CSMD1: variants seen among roughly 807,000 people sequenced by gnomAD.
CSMD1 encodes CUB and sushi domain-containing protein 1.
In CSMD1, 213 loss-of-function variants were observed where a neutral mutation model predicts 417.5. The observed-to-expected ratio is 0.51, with a 90% CI of 0.46 to 0.57. The LOEUF (loss-of-function observed/expected upper bound fraction) is 0.57. Ranked by LOEUF, CSMD1 falls within the 20% of genes least tolerant of loss-of-function variation. CSMD1 has a pLI of 0.00. For synonymous variants in CSMD1, 2,862 were observed against 1,736.8 expected, an observed-to-expected ratio of 1.65 and a Z score of -16.11; for missense variants, 6,923 against 4,529.7, an observed-to-expected ratio of 1.53 and a Z score of -15.17.
At chr8:3,078,445 T>C (rs1187749561) in intron 49 of CSMD1, among the ~76,000 whole-genome samples, 4 of 152,196 alleles carry the variant, frequency 2.6e-5, no homozygotes, top group African/African-American at 9.7e-5. Context: ...TTCAGTAAAA[T>C]GCCTGACATA....
chr8:3,791,789 CT>C (rs1383333788), intron 5 of CSMD1, among the ~76,000 whole-genome samples: 1 of 152,046 alleles, frequency 6.6e-6, no homozygotes, highest in Admixed American at 6.5e-5. Flanking sequence ...CAGCACTGCA[CT>C]CCAGCCTGGG....
intron 3 of CSMD1, among the ~76,000 whole-genome samples, chr8:4,356,339 C>CAG (rs1801430832): frequency 6.6e-6 from 1 of 151,916 alleles, no homozygotes; most frequent in Admixed American, 6.6e-5. Context: ...TACACACACA[C>CAG]ACACACACAC....
At chr8:3,657,846 A>T (rs1798208548) in intron 7 of CSMD1, among the ~76,000 whole-genome samples, 1 of 152,214 alleles carries the variant, frequency 6.6e-6, no homozygotes, top group African/African-American at 2.4e-5. Context: ...AAGTATAATA[A>T]TAATAAAAGA....
chr8:3,494,681 T>TA (rs1269383335), intron 10 of CSMD1, among the ~76,000 whole-genome samples: 3 of 93,258 alleles, frequency 3.2e-5, no homozygotes, highest in Non-Finnish European at 7.4e-5. Context: ...GATACACAGA[T>TA]ACATGAATAT....
At chr8:3,754,585 G>C (rs886996960) in intron 5 of CSMD1, among the ~76,000 whole-genome samples, 2 of 152,150 alleles carry the variant, frequency 1.3e-5, no homozygotes, top group African/African-American at 2.4e-5. Context: ...CTCCTGAGTA[G>C]CTGGGATTAC....
At chr8:3,408,447 A>G (rs1044919321) in intron 13 of CSMD1, among the ~76,000 whole-genome samples, 10 of 151,458 alleles carry the variant, frequency 6.6e-5, no homozygotes, top group African/African-American at 2.5e-4. Flanking sequence ...GAACCTATAC[A>G]TAATCAAGCA....
intron 3 of CSMD1, among the ~76,000 whole-genome samples, chr8:4,039,992 G>C (rs771144184): frequency 2.6e-5 from 4 of 152,204 alleles, no homozygotes; most frequent in East Asian, 1.9e-4. Context: ...CTCGGTACAG[G>C]TTAAGTGCCC....
intron 10 of CSMD1, among the ~76,000 whole-genome samples, chr8:3,545,602 C>G (rs1798625112): frequency 6.6e-6 from 1 of 152,190 alleles, no homozygotes; most frequent in Non-Finnish European, 1.5e-5. Context: ...ATCATGGGCT[C>G]TCCACTGCCG....
chr8:4,547,023 ATCT>A (rs1292805431), intron 2 of CSMD1, among the ~76,000 whole-genome samples: 2 of 152,086 alleles, frequency 1.3e-5, no homozygotes, highest in Non-Finnish European at 2.9e-5. Flanking sequence ...ATACCCAGAC[ATCT>A]TCTTTGAGCT....
chr8:4,623,643 A>T (rs1056684288), intron 2 of CSMD1, among the ~76,000 whole-genome samples: 6 of 152,176 alleles, frequency 3.9e-5, no homozygotes, highest in Admixed American at 3.9e-4. Flanking sequence ...ATTCTGCTTA[A>T]CCATAAAAAA....
At chr8:3,813,616 G>A (rs1801207750) in intron 5 of CSMD1, among the ~76,000 whole-genome samples, 1 of 152,048 alleles carries the variant, frequency 6.6e-6, no homozygotes, top group Admixed American at 6.6e-5. Context: ...TCTTCAAACT[G>A]CCTTTATGCA....
intron 23 of CSMD1, among the ~76,000 whole-genome samples, chr8:3,315,290 T>G (rs1046466135): frequency 1.3e-5 from 2 of 152,164 alleles, no homozygotes; most frequent in African/African-American, 2.4e-5. Context: ...GGTAATTGGT[T>G]AAATTTATTT....
rs530498506 is a variant in CSMD1, at chr8:4,787,708, G to A, written c.86-150150C>T. 8.8e-6 allele frequency: 14 copies of A among 1,591,992 alleles called. No homozygotes were observed. The South Asian group carries it at 1.3e-4, about 15-fold the overall frequency. Reference sequence around the variant, plus strand: ...TAAAGTGGAGTTGTTTTTCAAGGATGCTGCCAATAATGACCCACAGTGGTC... The same window carrying A: ...TAAAGTGGAGTTGTTTTTCAAGGATACTGCCAATAATGACCCACAGTGGTC... On this transcript the variant is annotated intron_variant, in intron 1 of 69. Coordinates refer to ENST00000635120, the MANE Select transcript of CSMD1 (RefSeq NM_033225.6).
rs80231791 is a variant in CSMD1, at chr8:4,902,644, A to C, written c.85+91688T>G. The stretch of plus-strand genomic sequence containing the variant: ...TTGATTATCTATTTAACTCTTTATA[A>C]CTTTTATGGCATATACTTTAATCAT... On this transcript the variant is annotated intron_variant, in intron 1 of 69. Transcript: ENST00000635120. 6.5e-3 allele frequency among the ~76,000 whole-genome samples: 984 copies of C among 152,268 alleles called. 12 individuals are homozygous for C. The highest frequency in any genetic ancestry group is 0.023 in the African/African-American group (938 of 41,554).
At chr8:4,589,488 C>T (rs533438581) in intron 2 of CSMD1, among the ~76,000 whole-genome samples, 90 of 152,224 alleles carry the variant, frequency 5.9e-4, no homozygotes, top group Non-Finnish European at 9.3e-4. Context: ...CTGATCAGTG[C>T]CTGCGAGACA....
chr8:3,762,760 CAGAG>C (rs1341642851), intron 5 of CSMD1, among the ~76,000 whole-genome samples: 1 of 152,290 alleles, frequency 6.6e-6, no homozygotes, highest in African/African-American at 2.4e-5. Context: ...GGTTTATTCC[CAGAG>C]AGAGAAAGAG....
chr8:4,090,265 G>C (rs4875269), intron 3 of CSMD1, among the ~76,000 whole-genome samples: 152,226 of 152,326 alleles, frequency 1, 76,063 homozygotes, highest in Non-Finnish European at 1. Flanking sequence ...TGTTGTCAAA[G>C]AGCTTAGATT....
Position 3,238,614 on chromosome 8 carries a change from T to C in CSMD1, c.4154-8383A>G, listed in dbSNP as rs564040346. 1.5e-4 allele frequency among the ~76,000 whole-genome samples: 23 copies of C among 152,078 alleles called. No individual in the cohort carries two copies. The East Asian group carries it at 4.3e-3, about 28-fold the overall frequency. ...GGTAAGGGGTGATATTGTGGGGTTGTTAGAAGAAACATTTGTCATTTAGAA... is the reference window on the plus strand; with the variant it reads ...GGTAAGGGGTGATATTGTGGGGTTGCTAGAAGAAACATTTGTCATTTAGAA... On this transcript the variant is annotated intron_variant, in intron 26 of 69. Transcript: ENST00000635120.
intron 10 of CSMD1, among the ~76,000 whole-genome samples, chr8:3,534,352 T>A (rs866737679): frequency 6.6e-6 from 1 of 152,230 alleles, no homozygotes; most frequent in Middle Eastern, 3.4e-3. Context: ...CTCCTCTCAG[T>A]TCTCTTTAAA....
Sources: allele counts gnomAD v4.1 joint callset (sites outside exome capture counted in the v4.1 genomes callset), GRCh38; gene constraint gnomAD v4.1.1; transcripts MANE v1.5; gene names NCBI Gene and HGNC (gene_info 2026-07-23, HGNC 2026-07-21).